Variants in RAPGEF5 observed in about 807,000 individuals in gnomAD.
RAPGEF5 encodes the protein M-Ras-regulated GEF.
Under a neutral mutation model 125.2 loss-of-function variants are expected in RAPGEF5, and 65 were observed. The observed-to-expected ratio is 0.52, with a 90% CI of 0.43 to 0.64. The LOEUF is 0.64. Ranked by LOEUF, RAPGEF5 falls within the 30% of genes least tolerant of loss-of-function variation. The pLI is 0.00. For missense variants in RAPGEF5, 958 were observed against 1,048.1 expected, an observed-to-expected ratio of 0.91 and a Z score of 1.19; for synonymous variants, 391 against 385.9, an observed-to-expected ratio of 1.01 and a Z score of -0.16.
chr7:22,163,615 T>C (rs6949461), intron 12 of RAPGEF5, among the ~76,000 whole-genome samples: 148,695 of 152,314 alleles, frequency 0.98, 72,588 homozygotes, highest in East Asian at 0.99. Context: ...CATATGTAAA[T>C]TATGCTGTTA....
intron 18 of RAPGEF5, among the ~76,000 whole-genome samples, chr7:22,149,522 A>G (rs778552460): frequency 6.6e-6 from 1 of 152,188 alleles, no homozygotes; most frequent in South Asian, 2.1e-4. Flanking sequence ...GTCTTTAGGA[A>G]CCACAGCAGC....
intron 6 of RAPGEF5, among the ~76,000 whole-genome samples, chr7:22,281,392 T>G (rs911889257): frequency 6.6e-6 from 1 of 152,114 alleles, no homozygotes; most frequent in Non-Finnish European, 1.5e-5. Flanking sequence ...CTGTATTTTT[T>G]GTAGAGACAG....
chr7:22,287,131 A>T (rs1019150034), intron 6 of RAPGEF5, among the ~76,000 whole-genome samples: 1 of 152,196 alleles, frequency 6.6e-6, no homozygotes, highest in South Asian at 2.1e-4. Flanking sequence ...CTTTTTCCTT[A>T]AGCTGAAAAC....
At chr7:22,252,944 T>C (rs1786660723) in intron 7 of RAPGEF5, among the ~76,000 whole-genome samples, 1 of 152,210 alleles carries the variant, frequency 6.6e-6, no homozygotes, top group South Asian at 2.1e-4. Context: ...ATGATGGTTT[T>C]ATCTCACTTA....
At chr7:22,300,679 T>C (rs1219474336) in intron 5 of RAPGEF5, among the ~76,000 whole-genome samples, 2 of 152,164 alleles carry the variant, frequency 1.3e-5, no homozygotes, top group Admixed American at 1.3e-4. Flanking sequence ...TCCCTAGGTT[T>C]ACCCTCTCCT....
At chr7:22,355,995 C>G in intron 1 of RAPGEF5, 1 of 985,344 alleles carries the variant, frequency 1.0e-6, no homozygotes, top group Non-Finnish European at 1.2e-6. Flanking sequence ...GCCGCCAAAC[C>G]CTGGTGAGCA....
intron 10 of RAPGEF5, 119 bp from the exon 11 acceptor site, chr7:22,193,574 G>C (rs1214815234): frequency 5.2e-6 from 8 of 1,551,520 alleles, no homozygotes; most frequent in Middle Eastern, 1.7e-4. Context: ...TCGAAGGTAG[G>C]CAAGGGCAGC....
intron 1 of RAPGEF5, among the ~76,000 whole-genome samples, chr7:22,354,565 C>T (rs755363752): frequency 9.2e-5 from 14 of 152,094 alleles, no homozygotes; most frequent in Middle Eastern, 3.2e-3. Context: ...GTGTATGCCC[C>T]CTACAAAATT....
In RAPGEF5 at chr7:22,291,156, GA is replaced by G; in HGVS notation, c.747+18del. On this transcript the variant is annotated intron_variant, in intron 6 of 25. Coordinates refer to ENST00000665637, the MANE Select transcript of RAPGEF5 (RefSeq NM_012294.5). Reference sequence around the variant, plus strand: ...TCATTATTTCTGCACCCCTAGGCAGGAAAATTGCATGGTCTTACCGCAGATG... The same window carrying G: ...TCATTATTTCTGCACCCCTAGGCAGGAAATTGCATGGTCTTACCGCAGATG... 6.4e-7 allele frequency: 1 copy of G among 1,569,184 alleles called. No homozygotes were observed.
chr7:22,259,550 C>T (rs1438807922), intron 7 of RAPGEF5, among the ~76,000 whole-genome samples: 1 of 152,216 alleles, frequency 6.6e-6, no homozygotes, highest in African/African-American at 2.4e-5. Flanking sequence ...CAAAAATCTG[C>T]ATATCCAAAG....
Position 22,315,356 on chromosome 7 carries a change from GA to G in RAPGEF5, c.389+13del. ...AAAGAGAATTTCTGACAAGGTGTTA[GA>G]AAACTGTGTTACCTGTAAAACCCCT... is the stretch of plus-strand genomic sequence containing the variant. On this transcript the variant is annotated intron_variant, in intron 3 of 25. Transcript: ENST00000665637. The G allele has an allele frequency of 6.5e-7, 1 of 1,536,186 alleles. No homozygotes were observed. Among genetic ancestry groups the G allele is most frequent in the African/African-American group, 1.4e-5 (1 of 71,864 alleles).
At chr7:22,188,800 A>G (rs185737116) in intron 11 of RAPGEF5, among the ~76,000 whole-genome samples, 1 of 151,378 alleles carries the variant, frequency 6.6e-6, no homozygotes, top group Non-Finnish European at 1.5e-5. Context: ...TAGGTTGACC[A>G]TCAAGAGCTT....
intron 7 of RAPGEF5, among the ~76,000 whole-genome samples, chr7:22,260,461 CA>C (rs796891868): frequency 2.0e-4 from 24 of 120,670 alleles, no homozygotes; most frequent in East Asian, 4.9e-4. Flanking sequence ...TAAAGTCTAT[CA>C]AAAAAAAAGA....
At position 22,119,538 on chromosome 7, in the gene RAPGEF5, T is replaced by C. The variant is rs1473065800; in HGVS notation, c.*2868A>G. ...TTTTTTTTAATAGCAAGGTTGTGAT[T>C]TTGCCTACGGGGTCCTGCATTCTGC... On this transcript the variant is annotated 3_prime_UTR_variant, in exon 26 of 26. Transcript: ENST00000665637. The surrounding 1 kb of genome is among the most constrained non-coding windows in gnomAD (Gnocchi z 4.1). 6.6e-6 allele frequency: 1 copy of C among 152,172 alleles called. No individual in the cohort carries two copies. The highest frequency in any genetic ancestry group is 6.5e-5 in the Admixed American group (1 of 15,276). The allele number at this position is 152,172 out of a possible 1,614,324, so 9.4% of individuals were successfully genotyped here. A position where few individuals can be genotyped will look rare whatever the true frequency, so the allele number is the denominator to read the frequency against.
rs539976225 is a variant in RAPGEF5, at chr7:22,264,798, T to C, written c.796+2166A>G. ...ACTTGCTCTTTCTCTGGCAATGACATGCTACAACTTTTTTATTACTTCTCT... is the reference window on the plus strand; with the variant it reads ...ACTTGCTCTTTCTCTGGCAATGACACGCTACAACTTTTTTATTACTTCTCT... On this transcript the variant is annotated intron_variant, in intron 7 of 25. Transcript: ENST00000665637. 9.2e-5 allele frequency among the ~76,000 whole-genome samples: 14 copies of C among 152,324 alleles called. No homozygotes were observed. In the South Asian group the frequency reaches 2.9e-3, roughly 32 times the overall value.
rs556074423 is a variant in RAPGEF5, at chr7:22,265,447, C to T, written c.796+1517G>A. ...ACAAATGACAGGCTTTATTCCTTTT[C>T]GTGGCTGAATAATATTTCATTGTGT... is the stretch of plus-strand genomic sequence containing the variant. On this transcript the variant is annotated intron_variant, in intron 7 of 25. Transcript: ENST00000665637. 5.1e-4 allele frequency among the ~76,000 whole-genome samples: 78 copies of T among 152,286 alleles called. 1 individual carries two copies. The South Asian group carries it at 0.015, about 28-fold the overall frequency.
At chr7:22,205,725 G>A (rs1029772554) in intron 9 of RAPGEF5, among the ~76,000 whole-genome samples, 4 of 152,194 alleles carry the variant, frequency 2.6e-5, no homozygotes, top group Non-Finnish European at 4.4e-5. Flanking sequence ...TTCCTTCACT[G>A]CAGAGATTTG....
intron 8 of RAPGEF5, among the ~76,000 whole-genome samples, chr7:22,220,677 T>C (rs564444060): frequency 6.1e-5 from 9 of 148,666 alleles, no homozygotes; most frequent in Non-Finnish European, 1.3e-4. Flanking sequence ...GCCTAAATAA[T>C]AATAGGAGGA....
At chr7:22,140,495 T>G (rs975330392) in intron 20 of RAPGEF5, among the ~76,000 whole-genome samples, 8 of 152,180 alleles carry the variant, frequency 5.3e-5, no homozygotes, top group African/African-American at 1.9e-4. Flanking sequence ...AACATGTTTT[T>G]TCATTTTTTG....
Sources: gnomAD v4.1 joint callset for allele counts (sites outside exome capture counted in the v4.1 genomes callset) on GRCh38, gnomAD v4.1.1 for gene constraint, Gnocchi (gnomAD v3.1) non-coding constraint, MANE v1.5 for transcripts, NCBI Gene and HGNC (gene_info 2026-07-23, HGNC 2026-07-21) for gene names.